ANKRD30B: variants seen among roughly 807,000 people sequenced by gnomAD.
The protein encoded by ANKRD30B is ankyrin repeat domain 30B.
A neutral mutation model predicts 202.2 loss-of-function variants in ANKRD30B; 144 were observed. That is an observed-to-expected ratio of 0.71 (90% CI 0.62 to 0.82). ANKRD30B has a LOEUF of 0.82. Ranked by LOEUF, ANKRD30B falls within the 40% of genes least tolerant of loss-of-function variation. The probability of loss-of-function intolerance (pLI) is 0.00; values close to 1 mark genes in which losing one functional copy is unlikely to be tolerated. For synonymous variants in ANKRD30B, 508 were observed against 561.3 expected, an observed-to-expected ratio of 0.91 and a Z score of 1.34; for missense variants, 1,487 against 1,669.1, an observed-to-expected ratio of 0.89 and a Z score of 1.90.
At chr18:14,913,727 C>T in the ANKRD30B span, among the ~76,000 whole-genome samples, 1 of 152,136 alleles carries the variant, frequency 6.6e-6, no homozygotes, top group South Asian at 2.1e-4. Context: ...TGGGGTCACT[C>T]TGATGGTAAG....
rs1453502237 is a variant in ANKRD30B, at chr18:14,807,246, T to G, written c.2285-1305T>G. 1.3e-5 allele frequency among the ~76,000 whole-genome samples: 2 copies of G among 151,092 alleles called. 1 individual carries two copies. Among genetic ancestry groups the G allele is most frequent in the Non-Finnish European group, 2.9e-5 (2 of 67,816 alleles). On this transcript the variant is annotated intron_variant, in intron 24 of 43. Coordinates refer to ENST00000690538, the MANE Select transcript of ANKRD30B (RefSeq NM_001367607.2). ...AAAATGAGAGATTAAGCATGTTGTATTCATATTATTTGAGGAAATGAGATA... is the reference window on the plus strand; with the variant it reads ...AAAATGAGAGATTAAGCATGTTGTAGTCATATTATTTGAGGAAATGAGATA...
Position 14,806,230 on chromosome 18 carries a change from G to A in ANKRD30B, c.2285-2321G>A, listed in dbSNP as rs72873745. 7.5e-4 allele frequency among the ~76,000 whole-genome samples: 109 copies of A among 144,668 alleles called. 3 individuals are homozygous for A. The highest frequency in any genetic ancestry group is 8.5e-4 in the Non-Finnish European group (56 of 66,086). 94.9% of individuals were successfully genotyped at this position (144,668 alleles called of 152,430 possible). A position where few individuals can be genotyped will look rare whatever the true frequency, so the allele number is the denominator to read the frequency against. ...GCGAGACACCGCCAAAAAAAAAAAA[G>A]AAAAAAAAAATCATAGTGTGCATTT... On this transcript the variant is annotated intron_variant, in intron 24 of 43. Transcript: ENST00000690538.
At chr18:14,764,204 T>C in intron 7 of ANKRD30B, 114 bp downstream of exon 7, 1 of 1,106,748 alleles carries the variant, frequency 9.0e-7, no homozygotes, top group Non-Finnish European at 1.2e-6. Flanking sequence ...AAGGCAAGCT[T>C]AGGCAACACT....
At chr18:14,776,117 C>A (rs1215618260) in intron 9 of ANKRD30B, among the ~76,000 whole-genome samples, 3 of 152,164 alleles carry the variant, frequency 2.0e-5, no homozygotes, top group Non-Finnish European at 4.4e-5. Flanking sequence ...TGGTAACTTT[C>A]AGCAGGCTAC....
chr18:14,904,846 G>C, the ANKRD30B span, among the ~76,000 whole-genome samples: 1 of 152,166 alleles, frequency 6.6e-6, no homozygotes, highest in East Asian at 1.9e-4. Context: ...GAATCAGAGA[G>C]ACTCCATCTT....
At chr18:14,920,686 G>A in the ANKRD30B span, among the ~76,000 whole-genome samples, 1 of 152,198 alleles carries the variant, frequency 6.6e-6, no homozygotes, top group Non-Finnish European at 1.5e-5. Context: ...CATTCTCCAG[G>A]CTGAAAGTGT....
chr18:14,906,761 G>A, the ANKRD30B span, among the ~76,000 whole-genome samples: 1 of 152,112 alleles, frequency 6.6e-6, no homozygotes, highest in East Asian at 1.9e-4. Flanking sequence ...CATGGCCCAT[G>A]ACACAGCCCT....
At chr18:14,908,225 C>G in the ANKRD30B span, among the ~76,000 whole-genome samples, 4 of 152,160 alleles carry the variant, frequency 2.6e-5, no homozygotes, top group Non-Finnish European at 5.9e-5. Flanking sequence ...ATCTTTAAGA[C>G]CATTAAAGGT....
In ANKRD30B at chr18:14,764,053, T is replaced by C; in HGVS notation, c.1188T>C (p.Cys396=). The C allele has an allele frequency of 6.5e-7, 1 of 1,549,890 alleles. No homozygotes were observed. The highest frequency in any genetic ancestry group is 1.4e-5 in the African/African-American group (1 of 71,464). ...AAGGAACATCTAATATGATTGCATG[T>C]CCTACAAAAGAAACATCTACAAAAG... is the stretch of plus-strand genomic sequence containing the variant. ...LEKGTSNMIA[C]PTKETSTKAS... Residue 396 remains cysteine (C), a synonymous_variant, in exon 7 of 44, where the codon TGT becomes TGC. Transcript: ENST00000690538.
At position 14,752,977 on chromosome 18, in the gene ANKRD30B, C is replaced by T. The variant is rs370471349; in HGVS notation, c.475C>T (p.Leu159=). Reference sequence around the variant, plus strand: ...GAATTTGTTAATGGTGGCAACACTGCTGTCCTATGGTGCAGTCATCGAGGT... The same window carrying T: ...GAATTTGTTAATGGTGGCAACACTGTTGTCCTATGGTGCAGTCATCGAGGT... ...SENLLMVATL[L]SYGAVIEVQN... The change falls in exon 3 of 44, where the codon CTG becomes TTG. Residue 159 remains leucine (L), a synonymous_variant. Coordinates refer to ENST00000690538, the MANE Select transcript of ANKRD30B (RefSeq NM_001367607.2). The T allele has an allele frequency of 7.0e-5, 112 of 1,603,336 alleles. No individual in the cohort carries two copies. The African/African-American group carries it at 1.2e-3, about 18-fold the overall frequency.
intron 8 of ANKRD30B, among the ~76,000 whole-genome samples, chr18:14,771,182 TTA>T (rs1171940733): frequency 5.9e-5 from 9 of 152,290 alleles, no homozygotes; most frequent in African/African-American, 2.2e-4. Context: ...GTCATTGAGT[TTA>T]TCTTTTCAGT....
At chr18:14,853,500 T>G (rs1484569854) in intron 42 of ANKRD30B, among the ~76,000 whole-genome samples, 2 of 151,884 alleles carry the variant, frequency 1.3e-5, no homozygotes, top group African/African-American at 4.8e-5. Context: ...AAGGAAAGAA[T>G]TCCACTGTTT....
chr18:14,810,738 T>A lies in ANKRD30B; in HGVS notation c.2488+558T>A, dbSNP rs534542199. ...TCTAAAGCTTTTGGCCTTGGTGTCTTTTTATGCTACTGTAATTAATTGCCT... is the reference window on the plus strand; with the variant it reads ...TCTAAAGCTTTTGGCCTTGGTGTCTATTTATGCTACTGTAATTAATTGCCT... On this transcript the variant is annotated intron_variant, in intron 28 of 43. Coordinates refer to ENST00000690538, the MANE Select transcript of ANKRD30B (RefSeq NM_001367607.2). 1.7e-4 allele frequency among the ~76,000 whole-genome samples: 26 copies of A among 151,260 alleles called. 1 individual carries two copies. Among genetic ancestry groups the A allele is most frequent in the Non-Finnish European group, 1.0e-4 (7 of 67,814 alleles).
At position 14,828,278 on chromosome 18, in the gene ANKRD30B, A is replaced by G; in HGVS notation, c.2744A>G (p.Glu915Gly). 6.5e-7 allele frequency: 1 copy of G among 1,532,934 alleles called. No individual in the cohort carries two copies. Among genetic ancestry groups the G allele is most frequent in the South Asian group, 1.2e-5 (1 of 80,566 alleles). 95.0% of individuals were successfully genotyped at this position (1,532,934 alleles called of 1,614,324 possible). Residue 915 changes from glutamate (E) to glycine (G), a missense_variant and splice_region_variant, in exon 33 of 44, where the codon GAG becomes GGG. Glu to Gly is a moderately conservative substitution (Grantham distance 98, BLOSUM62 -2). Around this residue, in one of 6 missense-constraint regions of ANKRD30B, gnomAD observed 218 missense variants for 320.1 expected, o/e 0.68. Transcript: ENST00000690538. ...ELKDRETFKA[E>G]DVSSVESTFS... ...TGTATTTTACTCTTTTCTTTAATAG[A>G]GGATGTGAGTTCTGTAGAGTCCACA...
At chr18:14,848,240 A>G (rs1971736180) in intron 39 of ANKRD30B, among the ~76,000 whole-genome samples, 1 of 151,656 alleles carries the variant, frequency 6.6e-6, no homozygotes, top group Non-Finnish European at 1.5e-5. Context: ...TGTGTGTTTT[A>G]TTTTTAGTTA....
the ANKRD30B span, among the ~76,000 whole-genome samples, chr18:14,904,774 CT>C: frequency 6.6e-6 from 1 of 152,178 alleles, no homozygotes; most frequent in South Asian, 2.1e-4. Flanking sequence ...TTGGTTTATA[CT>C]TTTTATGGAG....
chr18:14,787,233 C>T (rs1003970245), intron 15 of ANKRD30B, 133 bp downstream of exon 15: 20 of 733,120 alleles, frequency 2.7e-5, no homozygotes, highest in African/African-American at 1.3e-4. Flanking sequence ...TTTCAGAATA[C>T]GCTTAATAGA....
the ANKRD30B span, among the ~76,000 whole-genome samples, chr18:14,879,963 A>G: frequency 1.3e-5 from 2 of 152,098 alleles, no homozygotes; most frequent in East Asian, 3.9e-4. Context: ...GCCTATACCA[A>G]TGTCTAGAAG....
intron 34 of ANKRD30B, among the ~76,000 whole-genome samples, chr18:14,832,618 C>A (rs71350507): frequency 6.6e-6 from 1 of 151,966 alleles, no homozygotes; most frequent in Non-Finnish European, 1.5e-5. Flanking sequence ...GCATTTTAAG[C>A]GGTTTTCAAT....
Sources: allele counts gnomAD v4.1 joint callset (sites outside exome capture counted in the v4.1 genomes callset), GRCh38; gene constraint gnomAD v4.1.1; regional missense constraint gnomAD v4.1.1; transcripts MANE v1.5; gene names NCBI Gene and HGNC (gene_info 2026-07-23, HGNC 2026-07-21).